FBXW11: variants seen among roughly 807,000 people sequenced by gnomAD.
FBXW11 encodes F-box/WD repeat-containing protein 11.
A neutral mutation model predicts 77.6 loss-of-function variants in FBXW11; 19 were observed. The ratio of observed to expected loss-of-function variants is 0.24; its 90% CI spans 0.17 to 0.36. The LOEUF is 0.36. Among genes scored for constraint, FBXW11 ranks in the 10% least tolerant of loss-of-function variants. The probability of loss-of-function intolerance (pLI) is 1.00; values close to 1 mark genes in which losing one functional copy is unlikely to be tolerated. For synonymous variants in FBXW11, 235 were observed against 249.4 expected (o/e 0.94, Z 0.54); for missense variants, 334 against 704.2 (o/e 0.47, Z 5.95).
chr5:171,919,113 C>T (rs1050436164), intron 2 of FBXW11, among the ~76,000 whole-genome samples: 4 of 152,092 alleles, frequency 2.6e-5, no homozygotes, highest in Admixed American at 2.6e-4. Flanking sequence ...TTCAGGGCTA[C>T]GTCCTGCTTG....
rs748226503 is a variant in FBXW11, at chr5:171,876,280, C to T, written c.1221+5G>A. ...AGGTAGGGTTATGACTGCAGACATA[C>T]TTACTTTGATGGTCCTGTCACCAGA... On this transcript the variant is annotated splice_donor_5th_base_variant and intron_variant, in intron 9 of 13. Transcript: ENST00000517395. This position sits in a 1 kb window ranked among gnomAD's most constrained non-coding sequence, Gnocchi z 4.2. 6.2e-7 allele frequency: 1 copy of T among 1,614,112 alleles called. No individual in the cohort carries two copies. Among genetic ancestry groups the T allele is most frequent in the Non-Finnish European group, 8.5e-7 (1 of 1,179,994 alleles).
chr5:171,916,795 T>G (rs919568197), intron 2 of FBXW11, among the ~76,000 whole-genome samples: 2 of 152,056 alleles, frequency 1.3e-5, no homozygotes, highest in African/African-American at 4.8e-5. Context: ...CGGAAAGGAA[T>G]GAGGAATTAA....
At chr5:172,003,554 T>TA (rs1428081503) in intron 1 of FBXW11, among the ~76,000 whole-genome samples, 1 of 152,206 alleles carries the variant, frequency 6.6e-6, no homozygotes, top group East Asian at 1.9e-4. Context: ...AAAAGTCATC[T>TA]GGCGGTTAAA....
chr5:171,876,561 C>A lies in FBXW11; in HGVS notation c.972-27G>T. ...TAGGAGAGAAGAGAAAAGCATGATGCTTAATTATGGAGACAGCCAGGAAAT... is the reference window on the plus strand; with the variant it reads ...TAGGAGAGAAGAGAAAAGCATGATGATTAATTATGGAGACAGCCAGGAAAT... On this transcript the variant is annotated intron_variant, in intron 8 of 13. Transcript: ENST00000517395. This position sits in a 1 kb window ranked among gnomAD's most constrained non-coding sequence, Gnocchi z 4.2. The A allele has an allele frequency of 6.2e-7, 1 of 1,606,628 alleles. No individual in the cohort carries two copies. The highest frequency in any genetic ancestry group is 1.1e-5 in the South Asian group (1 of 90,804).
Position 172,006,508 on chromosome 5 carries a change from C to T in FBXW11, c.-6G>A. ...ATCACCGAGTCGGGCTCCATGGCGG[C>T]CCCGGCGGCCCCGCCTCGCTCTCCC... On this transcript the variant is annotated 5_prime_UTR_variant, in exon 1 of 14. Transcript: ENST00000517395. 1 of 1,506,372 alleles carries T rather than the reference C, an allele frequency of 6.6e-7. No homozygotes were observed. The highest frequency in any genetic ancestry group is 8.9e-7 in the Non-Finnish European group (1 of 1,126,294). 93.3% of individuals were successfully genotyped at this position (1,506,372 alleles called of 1,614,324 possible).
intron 7 of FBXW11, among the ~76,000 whole-genome samples, chr5:171,884,397 A>G (rs1327345599): frequency 2.0e-5 from 3 of 152,200 alleles, no homozygotes; most frequent in Admixed American, 2.0e-4. Flanking sequence ...CCATTGGTCT[A>G]TATCCCTATT....
In FBXW11 at chr5:171,994,065, T is replaced by C. The variant is rs190237169; in HGVS notation, c.45+12393A>G. Among the ~76,000 whole-genome samples, 462 of 152,364 alleles carry C rather than the reference T, an allele frequency of 3.0e-3. 3 individuals carry two copies. The highest frequency in any genetic ancestry group is 4.3e-3 in the Non-Finnish European group (293 of 68,034). ...CTAATGCAGAACCTGAGAGCTAGAC[T>C]GTTTTCTACAGAAGGTAAGAAATAT... is the stretch of plus-strand genomic sequence containing the variant. On this transcript the variant is annotated intron_variant, in intron 1 of 13. Coordinates refer to ENST00000517395, the MANE Select transcript of FBXW11 (RefSeq NM_001378974.1).
At chr5:171,865,415 T>G (rs958481053) in intron 13 of FBXW11, among the ~76,000 whole-genome samples, 1 of 152,236 alleles carries the variant, frequency 6.6e-6, no homozygotes, top group Non-Finnish European at 1.5e-5. Context: ...CATTGTTTTT[T>G]ATAATCACTA....
intron 6 of FBXW11, among the ~76,000 whole-genome samples, chr5:171,892,643 G>C (rs569929761): frequency 1.3e-5 from 2 of 152,342 alleles, no homozygotes; most frequent in East Asian, 3.9e-4. Flanking sequence ...ACTGGGACAA[G>C]TTTAGTGAAG....
intron 9 of FBXW11, among the ~76,000 whole-genome samples, chr5:171,873,598 T>C (rs765843502): frequency 1.3e-5 from 2 of 152,194 alleles, no homozygotes; most frequent in African/African-American, 2.4e-5. Flanking sequence ...GCTGTGTCTG[T>C]GCCACTGCAC....
At chr5:171,924,299 G>C (rs1387529658) in intron 2 of FBXW11, among the ~76,000 whole-genome samples, 2 of 152,150 alleles carry the variant, frequency 1.3e-5, no homozygotes, top group African/African-American at 4.8e-5. Flanking sequence ...CCACGACCCA[G>C]AGTGAGAATT....
At chr5:171,879,737 C>T (rs1258679320) in intron 7 of FBXW11, among the ~76,000 whole-genome samples, 1 of 152,232 alleles carries the variant, frequency 6.6e-6, no homozygotes, top group African/African-American at 2.4e-5. Context: ...AATATGCCAT[C>T]TGTATATCCT....
chr5:171,962,290 G>A (rs772382071), intron 1 of FBXW11, among the ~76,000 whole-genome samples: 3 of 151,720 alleles, frequency 2.0e-5, no homozygotes, highest in African/African-American at 7.2e-5. Context: ...AACAACCCAG[G>A]AGGATCATAG....
At chr5:171,967,875 TATATATATACAC>T (rs1264579165) in intron 1 of FBXW11, among the ~76,000 whole-genome samples, 9 of 54,362 alleles carry the variant, frequency 1.7e-4, no homozygotes, top group African/African-American at 5.0e-4. Flanking sequence ...TATATATATA[TATATATATACAC>T]ACACACACAC....
intron 1 of FBXW11, among the ~76,000 whole-genome samples, chr5:171,999,188 A>C (rs973352235): frequency 2.0e-5 from 3 of 152,202 alleles, no homozygotes; most frequent in Admixed American, 1.3e-4. Context: ...CCCAATTTTG[A>C]CAGAAGTAGC....
intron 6 of FBXW11, among the ~76,000 whole-genome samples, chr5:171,895,715 T>C (rs1419651015): frequency 2.6e-5 from 4 of 152,242 alleles, no homozygotes; most frequent in African/African-American, 4.8e-5. Context: ...GAAAGCAGCA[T>C]GGGCTTTGAA....
chr5:172,001,153 A>G (rs1391945623), intron 1 of FBXW11, among the ~76,000 whole-genome samples: 4 of 152,214 alleles, frequency 2.6e-5, no homozygotes, highest in African/African-American at 9.6e-5. Flanking sequence ...GATATTCAAA[A>G]GGAAATCTTA....
chr5:171,927,281 A>G (rs1233555147), intron 2 of FBXW11, among the ~76,000 whole-genome samples: 1 of 152,248 alleles, frequency 6.6e-6, no homozygotes, highest in East Asian at 1.9e-4. Context: ...ACATATGTGG[A>G]TTAGTTTTGT....
chr5:171,990,855 T>C (rs1345365496), intron 1 of FBXW11, among the ~76,000 whole-genome samples: 1 of 152,112 alleles, frequency 6.6e-6, no homozygotes, highest in Non-Finnish European at 1.5e-5. Flanking sequence ...TTTTGAGTCT[T>C]GCTCTATTGC....
Sources: allele counts gnomAD v4.1 joint callset (sites outside exome capture counted in the v4.1 genomes callset), GRCh38; gene constraint gnomAD v4.1.1; non-coding constraint Gnocchi (gnomAD v3.1); transcripts MANE v1.5; gene names NCBI Gene and HGNC (gene_info 2026-07-23, HGNC 2026-07-21).